The following CMIP variants were observed in gnomAD, a reference collection of about 807,000 sequenced individuals.
CMIP encodes the protein c-Maf inducing protein.
Under a neutral mutation model 97.3 loss-of-function variants are expected in CMIP, and 13 were observed. The ratio of observed to expected loss-of-function variants is 0.13; its 90% CI spans 0.09 to 0.21. The LOEUF is 0.21. CMIP is among the 10% of genes least tolerant of loss of function. The pLI, the probability that CMIP is intolerant of heterozygous loss-of-function variation, is 1.00. For synonymous variants in CMIP, 538 were observed against 436.3 expected (o/e 1.23, Z -2.91); for missense variants, 847 against 1,024.9 (o/e 0.83, Z 2.37).
intron 1 of CMIP, among the ~76,000 whole-genome samples, chr16:81,448,362 T>G (rs1006352639): frequency 2.0e-5 from 3 of 152,240 alleles, no homozygotes; most frequent in African/African-American, 7.2e-5. Flanking sequence ...TTGATCCAAT[T>G]AACCGAATCT....
chr16:81,558,335 G>T (rs931566211), intron 1 of CMIP, among the ~76,000 whole-genome samples: 30 of 152,328 alleles, frequency 2.0e-4, no homozygotes, highest in African/African-American at 7.0e-4. Flanking sequence ...TGCAGTGAAC[G>T]TAGGTTTACA....
At chr16:81,542,296 G>A (rs1335003619) in intron 1 of CMIP, among the ~76,000 whole-genome samples, 5 of 152,170 alleles carry the variant, frequency 3.3e-5, no homozygotes, top group African/African-American at 1.2e-4. Context: ...TAAAATGGGG[G>A]CCAACTATTA....
chr16:81,476,140 C>G (rs1190242200), intron 1 of CMIP: 3 of 1,014,712 alleles, frequency 3.0e-6, no homozygotes, highest in Non-Finnish European at 1.6e-6. Context: ...TGCCGGAGAC[C>G]ACGTGCTTGC....
chr16:81,640,166 C>T (rs1171332735), intron 3 of CMIP, among the ~76,000 whole-genome samples: 1 of 152,092 alleles, frequency 6.6e-6, no homozygotes, highest in African/African-American at 2.4e-5. Flanking sequence ...CCAGGTGTGC[C>T]GTTTCTGACG....
intron 1 of CMIP, among the ~76,000 whole-genome samples, chr16:81,529,306 G>C (rs529519949): frequency 6.6e-6 from 1 of 152,284 alleles, no homozygotes; most frequent in East Asian, 1.9e-4. Flanking sequence ...TGGTTTCTCA[G>C]ATGGTACATG....
At chr16:81,697,569 C>T (rs1317175481) in intron 14 of CMIP, 1 of 152,278 alleles carries the variant, frequency 6.6e-6, no homozygotes, top group East Asian at 1.9e-4. Flanking sequence ...CTGCCAGCTT[C>T]AGCCCCTCGT....
intron 1 of CMIP, among the ~76,000 whole-genome samples, chr16:81,590,153 G>A (rs192834357): frequency 0.011 from 1,693 of 152,316 alleles, 11 homozygotes; most frequent in Middle Eastern, 0.041. Context: ...ACACTTGGCG[G>A]GGAACCCTGG....
At chr16:81,564,852 A>G (rs1282436293) in intron 1 of CMIP, among the ~76,000 whole-genome samples, 1 of 152,214 alleles carries the variant, frequency 6.6e-6, no homozygotes, top group Non-Finnish European at 1.5e-5. Context: ...ATGGATGAGC[A>G]CACAGAGAAT....
chr16:81,534,399 A>G (rs1373043051), intron 1 of CMIP, among the ~76,000 whole-genome samples: 1 of 152,186 alleles, frequency 6.6e-6, no homozygotes, highest in Non-Finnish European at 1.5e-5. Context: ...AAAAGATTGT[A>G]AGGGTTTCTT....
intron 1 of CMIP, among the ~76,000 whole-genome samples, chr16:81,450,736 C>G (rs117654436): frequency 1.3e-5 from 2 of 152,094 alleles, no homozygotes; most frequent in Admixed American, 1.3e-4. Context: ...AAATTCCTTG[C>G]GGGGCGTAGT....
rs1480043843 is a variant in CMIP at position 81,614,067 on chromosome 16, G to T, written c.426+6375G>T. Reference sequence around the variant, plus strand: ...TAGGCGAGGCATTCTGGCCTGGTTTGGTTGGGGATGGGGAGGGGAAGGCAC... The same window carrying T: ...TAGGCGAGGCATTCTGGCCTGGTTTTGTTGGGGATGGGGAGGGGAAGGCAC... On this transcript the variant is annotated intron_variant, in intron 2 of 20. Coordinates refer to ENST00000537098, the MANE Select transcript of CMIP (RefSeq NM_198390.3). This position sits in a 1 kb window ranked among gnomAD's most constrained non-coding sequence, Gnocchi z 5.3. Among the ~76,000 whole-genome samples the T allele has an allele frequency of 6.6e-6, 1 of 152,212 alleles. No individual in the cohort carries two copies. The highest frequency in any genetic ancestry group is 1.5e-5 in the Non-Finnish European group (1 of 68,046).
chr16:81,603,841 C>G (rs866902249), intron 1 of CMIP, among the ~76,000 whole-genome samples: 1 of 152,140 alleles, frequency 6.6e-6, no homozygotes, highest in East Asian at 1.9e-4. Flanking sequence ...CAAAATAGTT[C>G]GTTTGATTGC....
intron 17 of CMIP, among the ~76,000 whole-genome samples, chr16:81,703,031 C>T (rs1272387706): frequency 6.6e-6 from 1 of 152,076 alleles, no homozygotes; most frequent in Non-Finnish European, 1.5e-5. Flanking sequence ...TCTTACCATT[C>T]GCATTTCACA....
intron 1 of CMIP, among the ~76,000 whole-genome samples, chr16:81,582,175 C>G (rs535058303): frequency 5.6e-4 from 86 of 152,280 alleles, no homozygotes; most frequent in Middle Eastern, 3.4e-3. Flanking sequence ...ATCCAATCAC[C>G]TCCCACAGGC....
At position 81,576,480 on chromosome 16, in the gene CMIP, A is replaced by C. The variant is rs1337240701; in HGVS notation, c.301-31087A>C. On this transcript the variant is annotated intron_variant, in intron 1 of 20. Coordinates refer to ENST00000537098, the MANE Select transcript of CMIP (RefSeq NM_198390.3). The stretch of plus-strand genomic sequence containing the variant: ...GTGCCCAGAGACTTATTATCACATC[A>C]GTTTTAAGGGAGGTTCAGTTGTACG... Among the ~76,000 whole-genome samples, 4 of 152,140 alleles carry C rather than the reference A, an allele frequency of 2.6e-5. No individual in the cohort carries two copies. The East Asian group carries it at 7.7e-4, about 29-fold the overall frequency.
At chr16:81,472,877 G>A (rs1371454189) in intron 1 of CMIP, among the ~76,000 whole-genome samples, 1 of 152,208 alleles carries the variant, frequency 6.6e-6, no homozygotes, top group Admixed American at 6.5e-5. Context: ...CCTGCGCCCA[G>A]TACTTTGTCC....
chr16:81,707,874 G>A (rs1397011107), intron 20 of CMIP, among the ~76,000 whole-genome samples: 1 of 152,214 alleles, frequency 6.6e-6, no homozygotes, highest in East Asian at 1.9e-4. Context: ...GGCACAGATG[G>A]CACCCGTGAG....
intron 1 of CMIP, among the ~76,000 whole-genome samples, chr16:81,603,851 C>T (rs780469485): frequency 6.6e-6 from 1 of 152,202 alleles, no homozygotes; most frequent in African/African-American, 2.4e-5. Context: ...CGTTTGATTG[C>T]GTTCTTTAGT....
intron 1 of CMIP, among the ~76,000 whole-genome samples, chr16:81,525,977 CGTGTGTGTGT>C (rs57103908): frequency 1.9e-4 from 28 of 150,052 alleles, no homozygotes; most frequent in South Asian, 1.5e-3. Flanking sequence ...ACTAATAATA[CGTGTGTGTGT>C]GTGTGTGTGT....
Sources: allele counts gnomAD v4.1 joint callset (sites outside exome capture counted in the v4.1 genomes callset), GRCh38; gene constraint gnomAD v4.1.1; non-coding constraint Gnocchi (gnomAD v3.1); transcripts MANE v1.5; gene names NCBI Gene and HGNC (gene_info 2026-07-23, HGNC 2026-07-21).